The following LCMT1 variants were observed in gnomAD, a reference collection of about 807,000 sequenced individuals.
The protein encoded by LCMT1 is leucine carboxyl methyltransferase 1, also known as [Phosphatase 2A protein]-leucine-carboxy methyltransferase 1.
A neutral mutation model predicts 47.7 loss-of-function variants in LCMT1; 32 were observed. The observed-to-expected ratio is 0.67, with a 90% CI of 0.51 to 0.90. The LOEUF (loss-of-function observed/expected upper bound fraction) is 0.90. Among genes scored for constraint, LCMT1 ranks in the 40% least tolerant of loss-of-function variants. LCMT1 has a pLI of 0.00. For missense variants in LCMT1, 375 were observed against 415.2 expected, an observed-to-expected ratio of 0.90 and a Z score of 0.84; for synonymous variants, 152 against 149.7, an observed-to-expected ratio of 1.02 and a Z score of -0.11.
chr16:25,117,381 C>G (rs1227817633), intron 1 of LCMT1, among the ~76,000 whole-genome samples: 2 of 152,230 alleles, frequency 1.3e-5, no homozygotes, highest in Non-Finnish European at 2.9e-5. Flanking sequence ...GACATATATA[C>G]TGTACCTTTT....
intron 3 of LCMT1, among the ~76,000 whole-genome samples, chr16:25,135,837 T>C (rs1960487287): frequency 6.6e-6 from 1 of 152,096 alleles, no homozygotes; most frequent in Admixed American, 6.6e-5. Context: ...ACGCCTGTAA[T>C]CCCAGCACTT....
intron 9 of LCMT1, among the ~76,000 whole-genome samples, chr16:25,174,150 G>C (rs913750468): frequency 2.0e-5 from 3 of 152,176 alleles, no homozygotes; most frequent in African/African-American, 7.2e-5. Context: ...GACCTCAGGA[G>C]ATCCACCCAC....
chr16:25,139,531 A>G (rs1252266289), intron 3 of LCMT1, among the ~76,000 whole-genome samples: 1 of 152,136 alleles, frequency 6.6e-6, no homozygotes, highest in African/African-American at 2.4e-5. Flanking sequence ...AAAAAAATGA[A>G]AAATATATCA....
At chr16:25,151,048 G>A (rs1408737521) in intron 4 of LCMT1, among the ~76,000 whole-genome samples, 2 of 152,088 alleles carry the variant, frequency 1.3e-5, no homozygotes, top group Non-Finnish European at 1.5e-5. Flanking sequence ...ATATTGACGC[G>A]TGTCTGATTT....
At chr16:25,127,289 TAACTGAA>T (rs944830483) in intron 1 of LCMT1, among the ~76,000 whole-genome samples, 1 of 152,254 alleles carries the variant, frequency 6.6e-6, no homozygotes, top group African/African-American at 2.4e-5. Context: ...GGGTCATGAC[TAACTGAA>T]AACCATTTTT....
At chr16:25,135,778 A>G (rs567690204) in intron 3 of LCMT1, among the ~76,000 whole-genome samples, 25 of 152,202 alleles carry the variant, frequency 1.6e-4, no homozygotes, top group African/African-American at 6.0e-4. Flanking sequence ...GACAAAGAAG[A>G]GTTAGTCTTG....
chr16:25,133,687 G>A (rs1015754579), intron 3 of LCMT1, among the ~76,000 whole-genome samples: 8 of 148,178 alleles, frequency 5.4e-5, no homozygotes, highest in African/African-American at 1.7e-4. Flanking sequence ...GTGAGCCACC[G>A]TGCCTGGCCT....
chr16:25,127,318 G>A (rs796341223), intron 1 of LCMT1, among the ~76,000 whole-genome samples: 1 of 152,128 alleles, frequency 6.6e-6, no homozygotes, highest in African/African-American at 2.4e-5. Flanking sequence ...TAAGTATATT[G>A]TTATAAAACT....
At chr16:25,171,142 G>A (rs569975324) in intron 9 of LCMT1, among the ~76,000 whole-genome samples, 29 of 146,218 alleles carry the variant, frequency 2.0e-4, no homozygotes, top group African/African-American at 6.5e-4. Context: ...AGGCTGAGCC[G>A]GGAGAATCAC....
intron 5 of LCMT1, among the ~76,000 whole-genome samples, chr16:25,159,966 CTT>C (rs11453219): frequency 2.1e-5 from 3 of 145,872 alleles, no homozygotes; most frequent in Non-Finnish European, 3.0e-5. Context: ...AATTTGTTAA[CTT>C]TTTTTTTTTT....
intron 1 of LCMT1, among the ~76,000 whole-genome samples, chr16:25,118,320 C>T (rs1276094040): frequency 1.3e-5 from 2 of 152,006 alleles, no homozygotes; most frequent in Non-Finnish European, 2.9e-5. Context: ...TCCTCGGGGC[C>T]CTGGAGCATG....
chr16:25,140,311 G>A (rs1960645708), intron 4 of LCMT1, 64 bp downstream of exon 4: 2 of 1,239,948 alleles, frequency 1.6e-6, no homozygotes, highest in Middle Eastern at 1.8e-4. Context: ...CTCAAGAGAT[G>A]GCAGATCTGA....
intron 5 of LCMT1, among the ~76,000 whole-genome samples, chr16:25,159,690 T>C (rs1209786235): frequency 2.0e-5 from 3 of 152,188 alleles, no homozygotes; most frequent in Non-Finnish European, 2.9e-5. Flanking sequence ...TTCTTTAGCT[T>C]ATGGTGTGTA....
intron 8 of LCMT1, 181 bp downstream of exon 8, chr16:25,169,394 C>T: frequency 1.8e-6 from 1 of 542,024 alleles, no homozygotes; most frequent in South Asian, 2.4e-5. Context: ...CCTGCTTCAC[C>T]ATCACATTTC....
At chr16:25,148,537 C>T (rs529251932) in intron 4 of LCMT1, among the ~76,000 whole-genome samples, 40 of 152,284 alleles carry the variant, frequency 2.6e-4, no homozygotes, top group African/African-American at 8.4e-4. Context: ...CCGTGTCAGT[C>T]CGTCCTGCAC....
chr16:25,131,159 A>G (rs540607662), intron 2 of LCMT1, among the ~76,000 whole-genome samples: 13 of 152,358 alleles, frequency 8.5e-5, no homozygotes, highest in African/African-American at 2.4e-4. Context: ...TTGGCTCTCA[A>G]GTTGGATCCT....
intron 1 of LCMT1, among the ~76,000 whole-genome samples, chr16:25,124,314 C>A (rs1567308388): frequency 6.6e-6 from 1 of 152,204 alleles, no homozygotes; most frequent in Admixed American, 6.5e-5. Flanking sequence ...ACACACACAT[C>A]ATTTAAGCAA....
Position 25,132,395 on chromosome 16 carries a change from C to A in LCMT1, c.206-7C>A. On this transcript the variant is annotated splice_polypyrimidine_tract_variant and splice_region_variant and intron_variant, in intron 2 of 10. Transcript: ENST00000399069. ...TAGCTTGTTTCTGTGCCTCCCCTCCCCCCTAGGATATTTTGCTCGAGTCCA... is the reference window on the plus strand; with the variant it reads ...TAGCTTGTTTCTGTGCCTCCCCTCCACCCTAGGATATTTTGCTCGAGTCCA... The A allele has an allele frequency of 6.2e-7, 1 of 1,613,354 alleles. No individual in the cohort carries two copies. Among genetic ancestry groups the A allele is most frequent in the Non-Finnish European group, 8.5e-7 (1 of 1,179,746 alleles).
chr16:25,165,354 G>C (rs1961555532), intron 7 of LCMT1, among the ~76,000 whole-genome samples: 1 of 152,142 alleles, frequency 6.6e-6, no homozygotes, highest in Non-Finnish European at 1.5e-5. Flanking sequence ...CTTTGGAATA[G>C]CTTGGGTTGA....
Sources: gnomAD v4.1 joint callset for allele counts (sites outside exome capture counted in the v4.1 genomes callset) on GRCh38, gnomAD v4.1.1 for gene constraint, MANE v1.5 for transcripts, NCBI Gene and HGNC (gene_info 2026-07-23, HGNC 2026-07-21) for gene names.